The following FREM1 variants were observed in gnomAD, a reference collection of about 807,000 sequenced individuals.
The protein encoded by FREM1 is FRAS1 related extracellular matrix 1, also known as FRAS1-related extracellular matrix protein 1.
FREM1 carries 220 observed loss-of-function variants against 210.1 expected under a neutral mutation model. The observed-to-expected ratio is 1.05, with a 90% CI of 0.94 to 1.17. FREM1 has a LOEUF of 1.17. Among genes scored for constraint, FREM1 ranks in the 50% most tolerant of loss-of-function variants. FREM1 has a pLI of 0.00. For synonymous variants in FREM1, 1,189 were observed against 980.2 expected, an observed-to-expected ratio of 1.21 and a Z score of -3.98; for missense variants, 3,454 against 2,675.5, an observed-to-expected ratio of 1.29 and a Z score of -6.42.
chr9:14,845,665 G>GA (rs1826477587), intron 8 of FREM1, among the ~76,000 whole-genome samples: 1 of 152,050 alleles, frequency 6.6e-6, no homozygotes, highest in Non-Finnish European at 1.5e-5. Context: ...CTCCAACTGG[G>GA]AAAAAAATAA....
Position 14,801,838 on chromosome 9 carries a change from T to C in FREM1, c.3508A>G (p.Ile1170Val), listed in dbSNP as rs761256438. 7.4e-6 allele frequency: 12 copies of C among 1,613,728 alleles called. No individual in the cohort carries two copies. Among genetic ancestry groups the C allele is most frequent in the African/African-American group, 2.7e-5 (2 of 74,920 alleles). The stretch of plus-strand genomic sequence containing the variant: ...ATGTCCAGGTCCACAGCGCTGATGA[T>C]GGAAGAGTCCAGCTCTTTCATCTGA... Reference protein sequence around the residue: ...EGQMKELDSSIISAVDLDIPQ... With the variant: ...EGQMKELDSSVISAVDLDIPQ... The change falls in exon 20 of 37, where the codon ATC (isoleucine) becomes GTC (valine). Residue 1170 changes from isoleucine to valine, a missense_variant. Physicochemically the swap from Ile to Val is conservative, Grantham distance 29. Transcript: ENST00000380880.
At chr9:14,828,655 C>T (rs1445156820) in intron 10 of FREM1, among the ~76,000 whole-genome samples, 1 of 129,652 alleles carries the variant, frequency 7.7e-6, no homozygotes, top group Non-Finnish European at 1.6e-5. Context: ...GGGGAGGTGC[C>T]GGGGTAGAAT....
At chr9:14,752,254 G>C (rs1843520129) in intron 29 of FREM1, among the ~76,000 whole-genome samples, 1 of 152,062 alleles carries the variant, frequency 6.6e-6, no homozygotes, top group South Asian at 2.1e-4. Context: ...AGAATAGATT[G>C]TAGAGCCTAT....
intron 1 of FREM1, among the ~76,000 whole-genome samples, chr9:14,872,228 T>G (rs201886151): frequency 1.1e-4 from 16 of 152,250 alleles, no homozygotes; most frequent in African/African-American, 2.9e-4. Flanking sequence ...GCTTGATGGG[T>G]ATGGCATTGA....
chr9:14,835,216 A>G (rs1824330937), intron 10 of FREM1, among the ~76,000 whole-genome samples: 1 of 152,206 alleles, frequency 6.6e-6, no homozygotes, highest in East Asian at 1.9e-4. Flanking sequence ...GAGTCAAGGA[A>G]ACTTATTTTA....
At chr9:14,751,754 G>T (rs1221979030) in intron 29 of FREM1, 1 of 152,064 alleles carries the variant, frequency 6.6e-6, no homozygotes, top group Non-Finnish European at 1.5e-5. Context: ...TTTCTTGAAG[G>T]TATGCCTCAC....
chr9:14,860,760 T>TATATAC (rs1829856127), intron 3 of FREM1, among the ~76,000 whole-genome samples: 20 of 99,160 alleles, frequency 2.0e-4, no homozygotes, highest in East Asian at 4.1e-4. Context: ...CACATATATA[T>TATATAC]GCACATATAT....
In FREM1 at chr9:14,740,312, AAAGT is replaced by A. The variant is rs1841316875; in HGVS notation, c.6255-82_6255-79del. 4 of 1,056,660 alleles carry A rather than the reference AAAGT, an allele frequency of 3.8e-6. No homozygotes were observed. The Admixed American group carries it at 7.1e-5, about 19-fold the overall frequency. 65.5% of individuals were successfully genotyped at this position (1,056,660 alleles called of 1,614,324 possible). On this transcript the variant is annotated intron_variant, in intron 35 of 36. Transcript: ENST00000380880. The stretch of plus-strand genomic sequence containing the variant: ...TGATACGAAATGCATAACAGAAATA[AAAGT>A]AAGTTTAAAATACACAAAAAAGTAG...
At chr9:14,869,315 T>A in intron 1 of FREM1, 71 bp from the exon 2 acceptor site, 1 of 223,724 alleles carries the variant, frequency 4.5e-6, no homozygotes, top group Non-Finnish European at 8.9e-6. Context: ...ATTCAAAAGA[T>A]CGCTACCAAC....
chr9:14,857,472 G>A lies in FREM1; in HGVS notation c.828+81C>T, dbSNP rs149742615. On this transcript the variant is annotated intron_variant, in intron 5 of 36. Transcript: ENST00000380880. ...AAGCACAGGAACTCTCCCTGGCATG[G>A]GGGCGAGCATGAGTAAGCCTGTGTA... 13 of 1,188,452 alleles carry A rather than the reference G, an allele frequency of 1.1e-5. No homozygotes were observed. In the African/African-American group the frequency reaches 1.4e-4, roughly 12 times the overall value. 73.6% of individuals were successfully genotyped at this position (1,188,452 alleles called of 1,614,324 possible). A position where few individuals can be genotyped will look rare whatever the true frequency, so the allele number is the denominator to read the frequency against.
Position 14,775,973 on chromosome 9 carries a change from C to A in FREM1, c.4673G>T (p.Trp1558Leu), listed in dbSNP as rs564494439. The change falls in exon 25 of 37, where the codon TGG becomes TTG. Residue 1558 changes from tryptophan to leucine, a missense_variant. By Grantham distance (61) the Trp-to-Leu change is moderately conservative. Transcript: ENST00000380880. ...ATTGTGTTGAAGTAGCCCTGTCCCC[C>A]ACAGGTAGAGCTGGCCATGCTGGGG... Reference protein sequence around the residue: ...QLPQHGQLYLWGTGLLQHNFT... With the variant: ...QLPQHGQLYLLGTGLLQHNFT... 13 of 1,613,890 alleles carry A rather than the reference C, an allele frequency of 8.1e-6. No homozygotes were observed. Among genetic ancestry groups the A allele is most frequent in the South Asian group, 1.1e-5 (1 of 91,088 alleles).
chr9:14,851,514 C>G lies in FREM1; in HGVS notation c.922G>C (p.Asp308His), dbSNP rs764642854. The change falls in exon 6 of 37, where the codon GAT (aspartate) becomes CAT (histidine). Residue 308 changes from aspartate to histidine, a missense_variant. Coordinates refer to ENST00000380880, the MANE Select transcript of FREM1 (RefSeq NM_001379081.2). ...AFMAVFILEV[D>H]QFILTSLTTS... ...GTCAAGGAGGTCAGGATGAACTGAT[C>G]CACTTCCAGAATAAACACGGCCATG... 49 of 1,613,768 alleles carry G rather than the reference C, an allele frequency of 3.0e-5. No individual in the cohort carries two copies. The South Asian group carries it at 5.3e-4, about 17-fold the overall frequency.
At chr9:14,818,372 G>A (rs1376275731) in intron 14 of FREM1, among the ~76,000 whole-genome samples, 1 of 152,216 alleles carries the variant, frequency 6.6e-6, no homozygotes. Flanking sequence ...GAACTAAACT[G>A]TCAGGATTAA....
intron 1 of FREM1, among the ~76,000 whole-genome samples, chr9:14,878,173 G>A (rs898007382): frequency 2.0e-5 from 3 of 152,074 alleles, no homozygotes; most frequent in Non-Finnish European, 4.4e-5. Context: ...TTAGAATAAA[G>A]GTGAAGCCCT....
intron 13 of FREM1, among the ~76,000 whole-genome samples, chr9:14,821,495 G>C (rs2642412): frequency 0.79 from 119,602 of 152,074 alleles, 47,171 homozygotes; most frequent in East Asian, 0.93. Context: ...TAGGCTATTT[G>C]ATGGCCTGTA....
chr9:14,782,422 G>A, intron 24 of FREM1: 2 of 842,118 alleles, frequency 2.4e-6, no homozygotes, highest in African/African-American at 1.8e-5. Flanking sequence ...CTCCAGCAAG[G>A]TCACTGGTTT....
intron 20 of FREM1, among the ~76,000 whole-genome samples, chr9:14,800,808 A>G (rs1588063785): frequency 6.6e-6 from 1 of 152,190 alleles, no homozygotes; most frequent in East Asian, 1.9e-4. Flanking sequence ...TTGAGAGACA[A>G]ATGAATAAAG....
At chr9:14,761,454 G>A (rs1845479404) in intron 27 of FREM1, among the ~76,000 whole-genome samples, 1 of 152,074 alleles carries the variant, frequency 6.6e-6, no homozygotes, top group Non-Finnish European at 1.5e-5. Context: ...GAGGATCCTT[G>A]TATTAAAAAA....
intron 5 of FREM1, 137 bp downstream of exon 5, chr9:14,857,416 T>C: frequency 1.3e-6 from 1 of 792,358 alleles, no homozygotes; most frequent in Non-Finnish European, 2.3e-6. Flanking sequence ...AGCCTGCAGT[T>C]CCAATGAGTC....
Sources: gnomAD v4.1 joint callset for allele counts (sites outside exome capture counted in the v4.1 genomes callset) on GRCh38, gnomAD v4.1.1 for gene constraint, MANE v1.5 for transcripts, NCBI Gene and HGNC (gene_info 2026-07-23, HGNC 2026-07-21) for gene names.